TSN: variants seen among roughly 807,000 people sequenced by gnomAD.
TSN encodes the protein translin, also known as component 3 of promoter of RISC.
Under a neutral mutation model 29.4 loss-of-function variants are expected in TSN, and 5 were observed. That is an observed-to-expected ratio of 0.17 (90% CI 0.09 to 0.36). The LOEUF (loss-of-function observed/expected upper bound fraction) is 0.36, where lower values mean the gene tolerates loss of function less well. Ranked by LOEUF, TSN falls within the 10% of genes least tolerant of loss-of-function variation. The pLI is 1.00. For missense variants in TSN, 159 were observed against 272.8 expected, an observed-to-expected ratio of 0.58 and a Z score of 2.94; for synonymous variants, 106 against 102.2, an observed-to-expected ratio of 1.04 and a Z score of -0.23.
intron 4 of TSN, among the ~76,000 whole-genome samples, chr2:121,761,942 C>T (rs1318215033): frequency 1.1e-4 from 16 of 151,652 alleles, no homozygotes; most frequent in South Asian, 2.1e-4. Context: ...CTCAGCCTCC[C>T]GAGTAGCTGG....
At chr2:121,760,089 C>T (rs890021598) in intron 3 of TSN, among the ~76,000 whole-genome samples, 5 of 152,152 alleles carry the variant, frequency 3.3e-5, no homozygotes, top group East Asian at 3.8e-4. Context: ...AGGAGGTGAG[C>T]GGTAGGTGAG....
chr2:121,757,731 A>G (rs1384146943), intron 2 of TSN: 1 of 169,460 alleles, frequency 5.9e-6, no homozygotes, highest in African/African-American at 2.4e-5. Flanking sequence ...ATCTCAGCTC[A>G]CTGCAACCTC....
chr2:121,756,061 C>G (rs1464283294), intron 1 of TSN: 3 of 1,006,782 alleles, frequency 3.0e-6, no homozygotes, highest in Non-Finnish European at 4.2e-6. Flanking sequence ...CTCAGCATCA[C>G]TTGCCTCGTT....
chr2:121,761,090 G>T (rs1472599953), intron 3 of TSN, among the ~76,000 whole-genome samples: 1 of 152,018 alleles, frequency 6.6e-6, no homozygotes, highest in Non-Finnish European at 1.5e-5. Context: ...GGCTGGTCTT[G>T]AACTCCTTAC....
intron 3 of TSN, among the ~76,000 whole-genome samples, chr2:121,759,473 T>C (rs773406664): frequency 2.6e-5 from 4 of 152,114 alleles, no homozygotes; most frequent in Non-Finnish European, 5.9e-5. Context: ...CCAGGTGTGG[T>C]GGCTTATCCC....
intron 1 of TSN, chr2:121,756,731 C>T (rs1424564299): frequency 6.1e-6 from 4 of 659,394 alleles, no homozygotes; most frequent in Admixed American, 3.7e-5. Context: ...ATGGGGAAAC[C>T]CTGTCTCTAC....
intron 4 of TSN, 89 bp downstream of exon 4, chr2:121,761,613 C>A: frequency 9.6e-7 from 1 of 1,043,584 alleles, no homozygotes; most frequent in Non-Finnish European, 1.5e-6. Flanking sequence ...TTTATTAAAA[C>A]AAACAAGAAT....
At chr2:121,763,898 T>G (rs1304926163) in intron 5 of TSN, among the ~76,000 whole-genome samples, 1 of 152,198 alleles carries the variant, frequency 6.6e-6, no homozygotes, top group Non-Finnish European at 1.5e-5. Flanking sequence ...TGCTTGTCCT[T>G]GCTCCAGAGG....
intron 1 of TSN, chr2:121,756,471 T>G (rs1396716457): frequency 7.5e-6 from 2 of 268,452 alleles, no homozygotes; most frequent in South Asian, 7.1e-5. Context: ...TAACTTTTTT[T>G]AATGTGTGTA....
chr2:121,761,009 A>G (rs2074819266), intron 3 of TSN, among the ~76,000 whole-genome samples: 3 of 151,548 alleles, frequency 2.0e-5, no homozygotes, highest in Non-Finnish European at 4.4e-5. Context: ...AGCTGGGACT[A>G]TGGGCGCCTG....
At position 121,766,606 on chromosome 2, in the gene TSN, G is replaced by T. The variant is rs777286320; in HGVS notation, c.*1239G>T. The T allele has an allele frequency of 6.6e-6, 1 of 152,140 alleles. No individual in the cohort carries two copies. The highest frequency in any genetic ancestry group is 1.5e-5 in the Non-Finnish European group (1 of 68,030). 9.4% of individuals were successfully genotyped at this position (152,140 alleles called of 1,614,324 possible). A position where few individuals can be genotyped will look rare whatever the true frequency, so the allele number is the denominator to read the frequency against. On this transcript the variant is annotated 3_prime_UTR_variant, in exon 6 of 6. Coordinates refer to ENST00000389682, the MANE Select transcript of TSN (RefSeq NM_004622.3). ...ATACTGTTGGTGGTCTTCCCCACAC[G>T]CCCCAATTTTCAGGTAGTACTAAGA... is the stretch of plus-strand genomic sequence containing the variant.
At position 121,766,606 on chromosome 2, in the gene TSN, GCC is replaced by G. The variant is rs2074905470; in HGVS notation, c.*1242_*1243del. The G allele has an allele frequency of 6.6e-6, 1 of 152,140 alleles. No homozygotes were observed. Among genetic ancestry groups the G allele is most frequent in the South Asian group, 2.1e-4 (1 of 4,820 alleles). The allele number at this position is 152,140 out of a possible 1,614,324, so 9.4% of individuals were successfully genotyped here. ...ATACTGTTGGTGGTCTTCCCCACAC[GCC>G]CCAATTTTCAGGTAGTACTAAGAGT... On this transcript the variant is annotated 3_prime_UTR_variant, in exon 6 of 6. Coordinates refer to ENST00000389682, the MANE Select transcript of TSN (RefSeq NM_004622.3).
At position 121,765,093 on chromosome 2, in the gene TSN, C is replaced by G. The variant is rs775146775; in HGVS notation, c.454-41C>G. ...CAGAGGAAGATGCGCTGAGAAGGAGCCATGTTGTAACAAGCCCCTGTTTTC... is the reference window on the plus strand; with the variant it reads ...CAGAGGAAGATGCGCTGAGAAGGAGGCATGTTGTAACAAGCCCCTGTTTTC... On this transcript the variant is annotated intron_variant, in intron 5 of 5. Transcript: ENST00000389682. 3.8e-6 allele frequency: 6 copies of G among 1,586,010 alleles called. No homozygotes were observed. The Admixed American group carries it at 5.0e-5, about 13-fold the overall frequency.
At chr2:121,757,159 A>G in intron 1 of TSN, 81 bp from the exon 2 acceptor site, 4 of 1,303,232 alleles carry the variant, frequency 3.1e-6, no homozygotes, top group Non-Finnish European at 4.4e-6. Context: ...GATAGATCAC[A>G]TAAGCTATCT....
At chr2:121,761,302 T>G (rs530954026) in intron 3 of TSN, 107 bp from the exon 4 acceptor site, 3 of 749,854 alleles carry the variant, frequency 4.0e-6, no homozygotes, top group East Asian at 5.0e-5. Context: ...TGTAAGATTT[T>G]ATTTGAAAAA....
chr2:121,765,746 G>A lies in TSN; in HGVS notation c.*379G>A, dbSNP rs1479653903. The A allele has an allele frequency of 2.1e-5, 4 of 193,334 alleles. No homozygotes were observed. The highest frequency in any genetic ancestry group is 5.5e-5 in the Admixed American group (1 of 18,174). 12.0% of individuals were successfully genotyped at this position (193,334 alleles called of 1,614,324 possible). A position where few individuals can be genotyped will look rare whatever the true frequency, so the allele number is the denominator to read the frequency against. Reference sequence around the variant, plus strand: ...GTGATGCTTGATATTTTCTATATGCGAGTTAGCCATCCACACCCAGGCATA... The same window carrying A: ...GTGATGCTTGATATTTTCTATATGCAAGTTAGCCATCCACACCCAGGCATA... On this transcript the variant is annotated 3_prime_UTR_variant, in exon 6 of 6. Transcript: ENST00000389682.
intron 1 of TSN, chr2:121,756,595 T>C (rs1366381685): frequency 7.7e-7 from 1 of 1,291,444 alleles, no homozygotes; most frequent in Non-Finnish European, 1.0e-6. Flanking sequence ...ATAAGTATGC[T>C]CAGTGAATAT....
chr2:121,767,128 C>G lies in TSN; in HGVS notation c.*1761C>G, dbSNP rs549091621. ...CTGCTTGAGAATATTGAAGTACTTGCCAGAAGTTGTGGATTTCAGTTTTAA... is the reference window on the plus strand; with the variant it reads ...CTGCTTGAGAATATTGAAGTACTTGGCAGAAGTTGTGGATTTCAGTTTTAA... On this transcript the variant is annotated 3_prime_UTR_variant, in exon 6 of 6. Transcript: ENST00000389682. The G allele has an allele frequency of 2.0e-5, 3 of 152,200 alleles. No individual in the cohort carries two copies. The South Asian group carries it at 6.2e-4, about 32-fold the overall frequency. The allele number at this position is 152,200 out of a possible 1,614,324, so 9.4% of individuals were successfully genotyped here.
At chr2:121,765,017 G>A (rs1573392938) in intron 5 of TSN, 117 bp from the exon 6 acceptor site, 2 of 872,838 alleles carry the variant, frequency 2.3e-6, no homozygotes, top group Non-Finnish European at 3.7e-6. Context: ...TGTACCCTGA[G>A]ATAGAAGATC....
Sources: allele counts gnomAD v4.1 joint callset (sites outside exome capture counted in the v4.1 genomes callset), GRCh38; gene constraint gnomAD v4.1.1; transcripts MANE v1.5; gene names NCBI Gene and HGNC (gene_info 2026-07-23, HGNC 2026-07-21).